Variants in CSF1R observed in about 807,000 individuals in gnomAD.
The protein encoded by CSF1R is macrophage colony-stimulating factor 1 receptor.
CSF1R carries 40 observed loss-of-function variants against 110.0 expected under a neutral mutation model. That is an observed-to-expected ratio of 0.36 (90% CI 0.28 to 0.47). The LOEUF (loss-of-function observed/expected upper bound fraction) is 0.47, where lower values mean the gene tolerates loss of function less well. Ranked by LOEUF, CSF1R falls within the 20% of genes least tolerant of loss-of-function variation. The probability of loss-of-function intolerance (pLI) is 0.99; values close to 1 mark genes in which losing one functional copy is unlikely to be tolerated. For missense variants in CSF1R, 1,052 were observed against 1,253.0 expected, an observed-to-expected ratio of 0.84 and a Z score of 2.42; for synonymous variants, 523 against 503.4, an observed-to-expected ratio of 1.04 and a Z score of -0.52.
chr5:150,060,974 TG>T lies in CSF1R; in HGVS notation c.1859-3del. The T allele has an allele frequency of 6.3e-7, 1 of 1,589,794 alleles. No homozygotes were observed. Among genetic ancestry groups the T allele is most frequent in the Non-Finnish European group, 8.6e-7 (1 of 1,166,552 alleles). On this transcript the variant is annotated splice_region_variant and splice_polypyrimidine_tract_variant and intron_variant, in intron 12 of 20. Transcript: ENST00000675795. ...CCTTCTCATCAGCATGGGCCGTGGC[TG>T]GGAGGAAGAACCACAGTCCCAAAGA...
rs1417315471 is a variant in CSF1R, at chr5:150,068,540, A to G, written c.1511-210T>C. 5.3e-5 allele frequency among the ~76,000 whole-genome samples: 8 copies of G among 152,086 alleles called. No individual in the cohort carries two copies. In the East Asian group the frequency reaches 1.6e-3, roughly 29 times the overall value. ...GGCCTCTTCAGCTCTGCTCATGCCC[A>G]GCCCCAAACCCTGTCCAGAGTCACA... On this transcript the variant is annotated intron_variant, in intron 9 of 20. Transcript: ENST00000675795.
intron 5 of CSF1R, among the ~76,000 whole-genome samples, chr5:150,074,441 G>C (rs1758173311): frequency 6.6e-6 from 1 of 151,648 alleles, no homozygotes; most frequent in African/African-American, 2.4e-5. Context: ...CCGAGTAGCT[G>C]GGACAACAGT....
chr5:150,078,346 G>T, intron 3 of CSF1R, 98 bp from the exon 4 acceptor site: 2 of 1,473,342 alleles, frequency 1.4e-6, no homozygotes, highest in Non-Finnish European at 1.8e-6. Context: ...ACAGGCCAGG[G>T]TCCCCATCAC....
In CSF1R at chr5:150,054,219, A is replaced by G. The variant is rs374290975; in HGVS notation, c.2769T>C (p.Tyr923=). The change falls in exon 21 of 21, where the codon TAT becomes TAC. Residue 923 remains tyrosine, a synonymous_variant. Coordinates refer to ENST00000675795, the MANE Select transcript of CSF1R (RefSeq NM_001288705.3). ...QAQEDRRERD[Y]TNLPSSSRSG... is the part of the protein sequence containing the mutation. Reference sequence around the variant, plus strand: ...TTCTGCTGCTGCTCGGCAGATTGGTATAGTCCTGAGGGTGGGAGGGACCAG... The same window carrying G: ...TTCTGCTGCTGCTCGGCAGATTGGTGTAGTCCTGAGGGTGGGAGGGACCAG... 1.2e-5 allele frequency: 20 copies of G among 1,612,390 alleles called. No individual in the cohort carries two copies. The highest frequency in any genetic ancestry group is 5.5e-5 in the South Asian group (5 of 90,726).
In CSF1R at chr5:150,053,841, G is replaced by C. The variant is rs1032006548; in HGVS notation, c.*228C>G. 4 of 590,402 alleles carry C rather than the reference G, an allele frequency of 6.8e-6. No individual in the cohort carries two copies. Among genetic ancestry groups the C allele is most frequent in the Non-Finnish European group, 1.2e-5 (4 of 330,676 alleles). 36.6% of individuals were successfully genotyped at this position (590,402 alleles called of 1,614,324 possible). A position where few individuals can be genotyped will look rare whatever the true frequency, so the allele number is the denominator to read the frequency against. On this transcript the variant is annotated 3_prime_UTR_variant, in exon 21 of 21. Transcript: ENST00000675795. ...ACCATGAGAACAGTAGGGGAGGGGG[G>C]GGTGAGGGCTCAGCCCCCAGCCCCT... is the stretch of plus-strand genomic sequence containing the variant.
Position 150,086,437 on chromosome 5 carries a change from G to T in CSF1R, c.-10C>A. On this transcript the variant is annotated 5_prime_UTR_variant, in exon 1 of 21. Transcript: ENST00000675795. ...GAACTCCTGGGCCCATGGCCTCGGT[G>T]GGGAAGTGGCAGGCAGGTGCAGGGC... is the stretch of plus-strand genomic sequence containing the variant. 1 of 1,608,280 alleles carries T rather than the reference G, an allele frequency of 6.2e-7. No homozygotes were observed.
intron 1 of CSF1R, among the ~76,000 whole-genome samples, chr5:150,092,351 C>T (rs1759072049): frequency 2.0e-5 from 3 of 152,218 alleles, no homozygotes; most frequent in South Asian, 4.1e-4. Context: ...TATGCATTTA[C>T]AGCAATCTCC....
intron 4 of CSF1R, 130 bp downstream of exon 4, chr5:150,077,981 CT>C: frequency 8.2e-7 from 1 of 1,213,262 alleles, no homozygotes; most frequent in Non-Finnish European, 1.2e-6. Context: ...GTCTGCACCC[CT>C]CTCTGGAGTC....
At chr5:150,101,327 G>A (rs1197841256) in intron 1 of CSF1R, among the ~76,000 whole-genome samples, 1 of 152,206 alleles carries the variant, frequency 6.6e-6, no homozygotes, top group Admixed American at 6.5e-5. Flanking sequence ...TGCCCCAGAT[G>A]CATGAGAAAA....
At chr5:150,065,991 G>C (rs1757753717) in intron 10 of CSF1R, among the ~76,000 whole-genome samples, 1 of 152,222 alleles carries the variant, frequency 6.6e-6, no homozygotes, top group South Asian at 2.1e-4. Flanking sequence ...TTCCATGTAA[G>C]GAAGAACTTT....
intron 4 of CSF1R, 150 bp from the exon 5 acceptor site, chr5:150,077,585 G>T (rs969802848): frequency 7.2e-6 from 6 of 836,954 alleles, no homozygotes; most frequent in Non-Finnish European, 1.9e-6. Context: ...CTGGCTCCCT[G>T]CCCCAAGACT....
chr5:150,077,322 G>T lies in CSF1R; in HGVS notation c.843C>A (p.Ser281Arg). 1 of 1,614,232 alleles carries T rather than the reference G, an allele frequency of 6.2e-7. No homozygotes were observed. Among genetic ancestry groups the T allele is most frequent in the Non-Finnish European group, 8.5e-7 (1 of 1,180,034 alleles). The change falls in exon 5 of 21, where the codon AGC (serine) becomes AGA (arginine). Residue 281 changes from serine (S) to arginine (R), a missense_variant. Around this residue, in one of 5 missense-constraint regions of CSF1R, gnomAD observed 693 missense variants for 735.4 expected, o/e 0.94. Coordinates refer to ENST00000675795, the MANE Select transcript of CSF1R (RefSeq NM_001288705.3). Reference protein sequence around the residue: ...QHAGNYSCVASNVQGKHSTSM... With the variant: ...QHAGNYSCVARNVQGKHSTSM... ...AGGTGGAGTGCTTGCCCTGCACGTTGCTGGCCACGCAGGAGTAGTTGCCGG... is the reference window on the plus strand; with the variant it reads ...AGGTGGAGTGCTTGCCCTGCACGTTTCTGGCCACGCAGGAGTAGTTGCCGG...
intron 19 of CSF1R, chr5:150,054,968 C>T (rs1211434170): frequency 6.5e-5 from 26 of 400,234 alleles, no homozygotes; most frequent in South Asian, 1.1e-4. Context: ...CGCTCCAGCC[C>T]GGGCTACAGA....
rs1347390744 is a variant in CSF1R at position 150,069,876 on chromosome 5, C to T, written c.1507G>A (p.Ala503Thr). 6 of 1,608,348 alleles carry T rather than the reference C, an allele frequency of 3.7e-6. No homozygotes were observed. Among genetic ancestry groups the T allele is most frequent in the Non-Finnish European group, 5.1e-6 (6 of 1,176,528 alleles). The change falls in exon 9 of 21, where the codon GCA (alanine) becomes ACA (threonine). Residue 503 changes from alanine (A) to threonine (T), a missense_variant. This residue lies in a region of CSF1R where 693 missense variants were observed against 735.4 expected (regional missense o/e 0.94). Transcript: ENST00000675795. ...SGSWAFIPIS[A>T]GAHTHPPDEF... ...GGGTGCGAAGGCTCCCTCTCACCTG[C>T]AGAGATGGGTATGAAGGCCCAGGAG...
chr5:150,083,904 C>T (rs537763842), intron 1 of CSF1R, among the ~76,000 whole-genome samples: 57 of 152,306 alleles, frequency 3.7e-4, no homozygotes, highest in African/African-American at 1.3e-3. Context: ...ACAACCTCCC[C>T]TTTTCCCCTC....
chr5:150,090,879 T>C (rs181117677), upstream of CSF1R, among the ~76,000 whole-genome samples: 9 of 152,276 alleles, frequency 5.9e-5, no homozygotes, highest in East Asian at 1.7e-3. Flanking sequence ...TTGGGTACAG[T>C]GTTCAGTATT....
At chr5:150,078,341 C>T in intron 3 of CSF1R, 93 bp from the exon 4 acceptor site, 1 of 1,487,136 alleles carries the variant, frequency 6.7e-7, no homozygotes, top group South Asian at 1.3e-5. Flanking sequence ...GACACACAGG[C>T]CAGGGTCCCC....
intron 1 of CSF1R, among the ~76,000 whole-genome samples, chr5:150,109,297 C>T (rs1180756842): frequency 6.6e-6 from 1 of 152,150 alleles, no homozygotes; most frequent in Non-Finnish European, 1.5e-5. Flanking sequence ...ACAGGCTAAT[C>T]GTGAGGATCC....
Position 150,080,047 on chromosome 5 carries a change from C to A in CSF1R, c.592+5G>T, listed in dbSNP as rs528081931. 6.2e-7 allele frequency: 1 copy of A among 1,611,618 alleles called. No individual in the cohort carries two copies. The highest frequency in any genetic ancestry group is 1.1e-5 in the South Asian group (1 of 90,990). ...CCTGGCTGCCGGTCCCCATGCCCCA[C>A]GCACCTTTCTGCACTTTCAGCCGGA... is the stretch of plus-strand genomic sequence containing the variant. On this transcript the variant is annotated splice_donor_5th_base_variant and intron_variant, in intron 3 of 20. Transcript: ENST00000675795.
Sources: gnomAD v4.1 joint callset for allele counts (sites outside exome capture counted in the v4.1 genomes callset) on GRCh38, gnomAD v4.1.1 for gene constraint, gnomAD v4.1.1 regional missense constraint, MANE v1.5 for transcripts, NCBI Gene and HGNC (gene_info 2026-07-23, HGNC 2026-07-21) for gene names.